Variants in ADAMTS2 observed in about 807,000 individuals in gnomAD.
ADAMTS2 encodes the protein A disintegrin and metalloproteinase with thrombospondin motifs 2.
Under a neutral mutation model 123.0 loss-of-function variants are expected in ADAMTS2, and 50 were observed. The ratio of observed to expected loss-of-function variants is 0.41; its 90% CI spans 0.32 to 0.51. The LOEUF is 0.51. ADAMTS2 is among the 20% of genes least tolerant of loss of function. ADAMTS2 has a pLI of 0.35. For missense variants in ADAMTS2, 1,494 were observed against 1,705.2 expected (o/e 0.88, Z 2.18); for synonymous variants, 678 against 695.4 (o/e 0.98, Z 0.39).
chr5:179,181,154 A>G lies in ADAMTS2; in HGVS notation c.893T>C (p.Val298Ala), dbSNP rs1477975265. The stretch of plus-strand genomic sequence containing the variant: ...GGACTCGTCATGGTAGATTTCATTG[A>G]CCTGAAAGAAACAGGGAGGCATCAG... ...QKYLLTLMNI[V>A]NEIYHDESLG... is the part of the protein sequence containing the mutation. Residue 298 changes from valine (V) to alanine (A), a missense_variant and splice_region_variant, in exon 5 of 22, where the codon GTC becomes GCC. Transcript: ENST00000251582. The surrounding 1 kb of genome is among the most constrained non-coding windows in gnomAD (Gnocchi z 4.1). 6.2e-7 allele frequency: 1 copy of G among 1,613,180 alleles called. No homozygotes were observed.
rs1763456497 is a variant in ADAMTS2, at chr5:179,155,743, G to A, written c.1133-824C>T. Among the ~76,000 whole-genome samples the A allele has an allele frequency of 6.6e-6, 1 of 152,138 alleles. No individual in the cohort carries two copies. The highest frequency in any genetic ancestry group is 2.4e-5 in the African/African-American group (1 of 41,424). ...ATAGGGAAGTGCCTACAGGGCTATG[G>A]GTGCCACACGAGGTCTCTGCTTGTA... On this transcript the variant is annotated intron_variant, in intron 6 of 21. Coordinates refer to ENST00000251582, the MANE Select transcript of ADAMTS2 (RefSeq NM_014244.5). The surrounding 1 kb of genome is among the most constrained non-coding windows in gnomAD (Gnocchi z 5.1).
intron 4 of ADAMTS2, among the ~76,000 whole-genome samples, chr5:179,198,998 A>G (rs1764497006): frequency 6.6e-6 from 1 of 152,112 alleles, no homozygotes; most frequent in Non-Finnish European, 1.5e-5. Flanking sequence ...GGCTGGGGAA[A>G]GGCCACAGAG....
chr5:179,170,587 C>T lies in ADAMTS2; in HGVS notation c.975+10485G>A, dbSNP rs1727949903. Among the ~76,000 whole-genome samples, 1 of 152,156 alleles carries T rather than the reference C, an allele frequency of 6.6e-6. No homozygotes were observed. Among genetic ancestry groups the T allele is most frequent in the Admixed American group, 6.5e-5 (1 of 15,284 alleles). The stretch of plus-strand genomic sequence containing the variant: ...GCCCCATCGAGAATCCCTGGCTGTG[C>T]TTCTCTGTGAGCAAAAGGGGTCTGT... On this transcript the variant is annotated intron_variant, in intron 5 of 21. Transcript: ENST00000251582. The surrounding 1 kb of genome is among the most constrained non-coding windows in gnomAD (Gnocchi z 4.3).
chr5:179,196,775 T>C (rs1032837912), intron 4 of ADAMTS2, among the ~76,000 whole-genome samples: 2 of 152,248 alleles, frequency 1.3e-5, no homozygotes, highest in Admixed American at 6.5e-5. Context: ...TAGCACCTCA[T>C]AGTGAATGTT....
intron 2 of ADAMTS2, among the ~76,000 whole-genome samples, chr5:179,294,707 G>A (rs1223044259): frequency 1.3e-5 from 2 of 152,390 alleles, no homozygotes; most frequent in East Asian, 1.9e-4. Flanking sequence ...AGCTTCCAAG[G>A]TGGCCTGCCC....
At chr5:179,328,413 T>A (rs1234612554) in intron 2 of ADAMTS2, among the ~76,000 whole-genome samples, 1 of 152,246 alleles carries the variant, frequency 6.6e-6, no homozygotes, top group Non-Finnish European at 1.5e-5. Context: ...ACTGCTTTGC[T>A]AAGACATGGG....
At chr5:179,159,806 G>C (rs58879080) in intron 5 of ADAMTS2, among the ~76,000 whole-genome samples, 3,721 of 152,230 alleles carry the variant, frequency 0.024, 143 homozygotes, top group African/African-American at 0.083. Flanking sequence ...TCCCAAGAAG[G>C]CTGAAACCAA....
At position 179,132,156 on chromosome 5, in the gene ADAMTS2, C is replaced by A; in HGVS notation, c.2290+74G>T. 6.8e-7 allele frequency: 1 copy of A among 1,477,818 alleles called. No individual in the cohort carries two copies. Among genetic ancestry groups the A allele is most frequent in the Non-Finnish European group, 9.4e-7 (1 of 1,062,906 alleles). The allele number at this position is 1,477,818 out of a possible 1,614,324, so 91.5% of individuals were successfully genotyped here. On this transcript the variant is annotated intron_variant, in intron 15 of 21. Transcript: ENST00000251582. The surrounding 1 kb of genome is among the most constrained non-coding windows in gnomAD (Gnocchi z 6.1). ...ACAACCCGGGCCCCTGACCCCTGAC[C>A]CCTGGCACTCTGCCCATTGATCCCA...
chr5:179,180,851 A>G lies in ADAMTS2; in HGVS notation c.975+221T>C, dbSNP rs537366073. The stretch of plus-strand genomic sequence containing the variant: ...ATGTCTCTTCCTCTTGGGATCTGGG[A>G]GTAACAGACTCTTTTCAGTGAACAA... On this transcript the variant is annotated intron_variant, in intron 5 of 21. Transcript: ENST00000251582. The surrounding 1 kb of genome is among the most constrained non-coding windows in gnomAD (Gnocchi z 4.6). 2.6e-5 allele frequency among the ~76,000 whole-genome samples: 4 copies of G among 152,222 alleles called. No homozygotes were observed. In the East Asian group the frequency reaches 7.7e-4, roughly 29 times the overall value.
intron 5 of ADAMTS2, among the ~76,000 whole-genome samples, chr5:179,168,602 T>C (rs926972815): frequency 6.6e-6 from 1 of 152,340 alleles, no homozygotes; most frequent in East Asian, 1.9e-4. Context: ...TTTATGATTG[T>C]CGTCATTCCT....
chr5:179,163,142 C>G (rs1763631088), intron 5 of ADAMTS2, among the ~76,000 whole-genome samples: 1 of 152,036 alleles, frequency 6.6e-6, no homozygotes, highest in South Asian at 2.1e-4. Context: ...GGTCCGCTAT[C>G]CTAGTGTGTG....
At chr5:179,253,285 C>G (rs1181275778) in intron 3 of ADAMTS2, among the ~76,000 whole-genome samples, 1 of 152,158 alleles carries the variant, frequency 6.6e-6, no homozygotes, top group African/African-American at 2.4e-5. Flanking sequence ...TCCCATCTTA[C>G]TCTATGATCT....
At chr5:179,200,244 C>CTTTTTTTTTTTTT (rs1051856642) in intron 4 of ADAMTS2, among the ~76,000 whole-genome samples, 1 of 103,694 alleles carries the variant, frequency 9.6e-6, no homozygotes, top group Non-Finnish European at 1.8e-5. Context: ...CCTTTCTTTC[C>CTTTTTTTTTTTTT]TTTTTTTTTT....
intron 17 of ADAMTS2, 132 bp downstream of exon 17, chr5:179,127,827 T>C: frequency 7.8e-7 from 1 of 1,274,828 alleles, no homozygotes; most frequent in Non-Finnish European, 1.1e-6. Context: ...GCTAAGCCCT[T>C]GCCCACCCAG....
Position 179,228,041 on chromosome 5 carries a change from C to T in ADAMTS2, c.689-20326G>A, listed in dbSNP as rs151021519. 1.1e-4 allele frequency among the ~76,000 whole-genome samples: 16 copies of T among 152,190 alleles called. No individual in the cohort carries two copies. The East Asian group carries it at 2.9e-3, about 28-fold the overall frequency. ...CCTGCAAGGGACCCTCGGGAGGAGC[C>T]GCGTGGGAGGAGGAGAAGGCCGTGT... is the stretch of plus-strand genomic sequence containing the variant. On this transcript the variant is annotated intron_variant, in intron 3 of 21. Transcript: ENST00000251582. The surrounding 1 kb of genome is among the most constrained non-coding windows in gnomAD (Gnocchi z 5.2).
intron 4 of ADAMTS2, among the ~76,000 whole-genome samples, chr5:179,204,009 C>T (rs1251903774): frequency 6.6e-6 from 1 of 152,220 alleles, no homozygotes; most frequent in Non-Finnish European, 1.5e-5. Flanking sequence ...GATACTGGTC[C>T]TCCCTGAAAA....
Position 179,132,904 on chromosome 5 carries a change from T to C in ADAMTS2, c.2086-4A>G, listed in dbSNP as rs749098532. Reference sequence around the variant, plus strand: ...TCACACCGTCACAGCCCACCTTCTGTTGGGGGAGGAGGCAGTGAGCACTTG... The same window carrying C: ...TCACACCGTCACAGCCCACCTTCTGCTGGGGGAGGAGGCAGTGAGCACTTG... On this transcript the variant is annotated splice_region_variant and splice_polypyrimidine_tract_variant and intron_variant, in intron 13 of 21. Coordinates refer to ENST00000251582, the MANE Select transcript of ADAMTS2 (RefSeq NM_014244.5). The surrounding 1 kb of genome is among the most constrained non-coding windows in gnomAD (Gnocchi z 6.1). 1 of 1,613,538 alleles carries C rather than the reference T, an allele frequency of 6.2e-7. No homozygotes were observed. The highest frequency in any genetic ancestry group is 8.5e-7 in the Non-Finnish European group (1 of 1,179,826).
rs116685850 is a variant in ADAMTS2, at chr5:179,217,933, C to T, written c.689-10218G>A. Among the ~76,000 whole-genome samples the T allele has an allele frequency of 6.6e-3, 970 of 146,982 alleles. 12 individuals carry two copies. The highest frequency in any genetic ancestry group is 0.024 in the African/African-American group (905 of 37,358). On this transcript the variant is annotated intron_variant, in intron 3 of 21. Transcript: ENST00000251582. ...AGGGCAGACGGCACACTCACTGAGG[C>T]ACCTGCACACAGACAGAGGTGCTGT...
intron 12 of ADAMTS2, 50 bp downstream of exon 12, chr5:179,137,719 C>CCAAGGGCCAG: frequency 6.6e-7 from 1 of 1,511,282 alleles, no homozygotes; most frequent in Non-Finnish European, 8.9e-7. Context: ...CCCTGCCCAC[C>CCAAGGGCCAG]CTAGGGCCTG....
Sources: allele counts gnomAD v4.1 joint callset (sites outside exome capture counted in the v4.1 genomes callset), GRCh38; gene constraint gnomAD v4.1.1; non-coding constraint Gnocchi (gnomAD v3.1); transcripts MANE v1.5; gene names NCBI Gene and HGNC (gene_info 2026-07-23, HGNC 2026-07-21).